The following ROBO1 variants were observed in gnomAD, a reference collection of about 807,000 sequenced individuals.
ROBO1 encodes roundabout homolog 1.
Under a neutral mutation model 195.9 loss-of-function variants are expected in ROBO1, and 149 were observed. The observed-to-expected ratio is 0.76, with a 90% confidence interval of 0.67 to 0.87. The LOEUF is 0.87. Among genes scored for constraint, ROBO1 ranks in the 40% least tolerant of loss-of-function variants. ROBO1 has a pLI of 0.00. For missense variants in ROBO1, 1,933 were observed against 2,068.3 expected (o/e 0.93, Z 1.27); for synonymous variants, 816 against 733.2 (o/e 1.11, Z -1.82).
chr3:79,387,427 T>A (rs559135694), intron 2 of ROBO1, among the ~76,000 whole-genome samples: 1 of 150,488 alleles, frequency 6.6e-6, no homozygotes, highest in Non-Finnish European at 1.5e-5. Flanking sequence ...AATTTGTGTA[T>A]ATATATACAT....
chr3:79,074,356 T>C (rs2079135891), intron 3 of ROBO1, among the ~76,000 whole-genome samples: 1 of 151,980 alleles, frequency 6.6e-6, no homozygotes, highest in Non-Finnish European at 1.5e-5. Context: ...ATCATGAATG[T>C]CTTTTGAATG....
chr3:79,246,640 C>T (rs2082628630), intron 2 of ROBO1, among the ~76,000 whole-genome samples: 1 of 151,994 alleles, frequency 6.6e-6, no homozygotes, highest in African/African-American at 2.4e-5. Context: ...GGTTTTGTCC[C>T]TTATTATTTG....
At chr3:79,607,784 A>G (rs547490077) in intron 1 of ROBO1, among the ~76,000 whole-genome samples, 1 of 152,072 alleles carries the variant, frequency 6.6e-6, no homozygotes, top group African/African-American at 2.4e-5. Context: ...TTCCTCTCTC[A>G]TGCTGTCTGT....
intron 1 of ROBO1, among the ~76,000 whole-genome samples, chr3:79,738,729 T>C (rs1353269227): frequency 6.6e-6 from 1 of 152,224 alleles, no homozygotes; most frequent in African/African-American, 2.4e-5. Context: ...AAGAAAATAC[T>C]AAGGCTACTG....
chr3:79,717,485 G>T (rs778112235), intron 1 of ROBO1, among the ~76,000 whole-genome samples: 1 of 151,930 alleles, frequency 6.6e-6, no homozygotes, highest in Non-Finnish European at 1.5e-5. Flanking sequence ...AACATTAATT[G>T]GCAGGTGTGT....
rs55667736 is a variant in ROBO1, at chr3:79,693,383, TTGTGTGTGTGTGTGTG to T, written c.-51+74353_-51+74368del. On this transcript the variant is annotated intron_variant, in intron 1 of 30. Transcript: ENST00000464233. The stretch of plus-strand genomic sequence containing the variant: ...AAAATACACATCAATATATAGAGAT[TTGTGTGTGTGTGTGTG>T]TGTGTGTGTGTGTGTGTGTGTGTCC... Among the ~76,000 whole-genome samples the T allele has an allele frequency of 3.2e-4, 46 of 145,184 alleles. No homozygotes were observed. The South Asian group carries it at 3.7e-3, about 12-fold the overall frequency.
chr3:78,967,420 T>TA (rs2107884919), intron 3 of ROBO1, among the ~76,000 whole-genome samples: 2 of 147,144 alleles, frequency 1.4e-5, no homozygotes, highest in African/African-American at 5.0e-5. Context: ...TTCCTGTAAC[T>TA]AAAATCTAAC....
rs72892168 is a variant in ROBO1 at position 79,638,987 on chromosome 3, T to C, written c.-50-49026A>G. On this transcript the variant is annotated intron_variant, in intron 1 of 30. Coordinates refer to ENST00000464233, the MANE Select transcript of ROBO1 (RefSeq NM_002941.4). Reference sequence around the variant, plus strand: ...TTTGTTAAATTGAAATTCTAAAAACTGGTAATGTAAAATAGAAGAGGATAT... The same window carrying C: ...TTTGTTAAATTGAAATTCTAAAAACCGGTAATGTAAAATAGAAGAGGATAT... Among the ~76,000 whole-genome samples, 1,000 of 152,262 alleles carry C rather than the reference T, an allele frequency of 6.6e-3. 10 individuals are homozygous for C. Among genetic ancestry groups the C allele is most frequent in the African/African-American group, 0.023 (941 of 41,538 alleles).
At chr3:78,697,282 C>G (rs9842948) in intron 8 of ROBO1, among the ~76,000 whole-genome samples, 1 of 151,382 alleles carries the variant, frequency 6.6e-6, no homozygotes, top group African/African-American at 2.4e-5. Context: ...GAGGGAGGGA[C>G]GGAGGAAGAT....
chr3:78,658,719 A>G (rs942998547), intron 17 of ROBO1, among the ~76,000 whole-genome samples: 6 of 152,174 alleles, frequency 3.9e-5, no homozygotes, highest in Non-Finnish European at 8.8e-5. Context: ...ATCTTTTTAT[A>G]TTTTCTTTGA....
intron 3 of ROBO1, among the ~76,000 whole-genome samples, chr3:79,052,929 T>C (rs1005394621): frequency 6.6e-6 from 1 of 152,070 alleles, no homozygotes; most frequent in Non-Finnish European, 1.5e-5. Flanking sequence ...ACATCATGCT[T>C]ATCTCTGCTA....
At chr3:79,195,300 T>C (rs1471474857) in intron 2 of ROBO1, among the ~76,000 whole-genome samples, 1 of 151,718 alleles carries the variant, frequency 6.6e-6, no homozygotes, top group Non-Finnish European at 1.5e-5. Context: ...TATTCAGTTA[T>C]CAGTAGCTGT....
intron 2 of ROBO1, among the ~76,000 whole-genome samples, chr3:79,254,084 AT>A (rs764060406): frequency 6.6e-6 from 1 of 152,124 alleles, no homozygotes; most frequent in Non-Finnish European, 1.5e-5. Context: ...CTAATATTGC[AT>A]CTATCTCTGG....
At chr3:79,124,253 T>C (rs115724903) in intron 3 of ROBO1, among the ~76,000 whole-genome samples, 593 of 152,222 alleles carry the variant, frequency 3.9e-3, no homozygotes, top group Non-Finnish European at 4.9e-3. Flanking sequence ...CTCATTCTTA[T>C]GTTGGAAGAC....
In ROBO1 at chr3:78,714,453, C is replaced by G. The variant is rs778753440; in HGVS notation, c.989G>C (p.Cys330Ser). 3 of 1,613,270 alleles carry G rather than the reference C, an allele frequency of 1.9e-6. No homozygotes were observed. The highest frequency in any genetic ancestry group is 2.5e-6 in the Non-Finnish European group (3 of 1,179,594). Residue 330 changes from cysteine to serine, a missense_variant, in exon 8 of 31, where the codon TGT becomes TCT. Around this residue, in one of 3 missense-constraint regions of ROBO1, gnomAD observed 1,737 missense variants for 1,882.5 expected, o/e 0.92. Coordinates refer to ENST00000464233, the MANE Select transcript of ROBO1 (RefSeq NM_002941.4). Reference protein sequence around the residue: ...VTAGDMGSYTCVAENMVGKAE... With the variant: ...VTAGDMGSYTSVAENMVGKAE... Reference sequence around the variant, plus strand: ...TTTGCCCACCATATTTTCTGCAACACAAGTGTATGAACCCATGTCACCAGC... The same window carrying G: ...TTTGCCCACCATATTTTCTGCAACAGAAGTGTATGAACCCATGTCACCAGC...
At chr3:79,281,526 A>G (rs1329083565) in intron 2 of ROBO1, among the ~76,000 whole-genome samples, 1 of 152,172 alleles carries the variant, frequency 6.6e-6, no homozygotes, top group Non-Finnish European at 1.5e-5. Context: ...CATTCTATAG[A>G]ATGTTTATAG....
At chr3:79,651,349 T>A (rs1004200208) in intron 1 of ROBO1, among the ~76,000 whole-genome samples, 5 of 152,140 alleles carry the variant, frequency 3.3e-5, no homozygotes, top group Non-Finnish European at 7.4e-5. Flanking sequence ...GTATGAATAT[T>A]TATGATATTT....
At chr3:78,821,833 C>T (rs1194025905) in intron 4 of ROBO1, among the ~76,000 whole-genome samples, 1 of 152,086 alleles carries the variant, frequency 6.6e-6, no homozygotes, top group Non-Finnish European at 1.5e-5. Flanking sequence ...AAACCTGGGT[C>T]CTTATTCTTT....
chr3:79,052,659 C>T (rs2078724312), intron 3 of ROBO1, among the ~76,000 whole-genome samples: 1 of 152,056 alleles, frequency 6.6e-6, no homozygotes, highest in South Asian at 2.1e-4. Flanking sequence ...CTTTTGTGCT[C>T]TTTCTCTTTA....
Sources: allele counts gnomAD v4.1 joint callset (sites outside exome capture counted in the v4.1 genomes callset), GRCh38; gene constraint gnomAD v4.1.1; regional missense constraint gnomAD v4.1.1; transcripts MANE v1.5; gene names NCBI Gene and HGNC (gene_info 2026-07-23, HGNC 2026-07-21).